TMEM232: variants seen among roughly 807,000 people sequenced by gnomAD.
The protein encoded by TMEM232 is transmembrane protein 232.
TMEM232 carries 80 observed loss-of-function variants against 78.8 expected under a neutral mutation model. That is an observed-to-expected ratio of 1.01 (90% CI 0.85 to 1.22). The LOEUF (loss-of-function observed/expected upper bound fraction) is 1.22. Ranked by LOEUF, TMEM232 falls within the 50% of genes most tolerant of loss-of-function variation. The pLI is 0.00. For synonymous variants in TMEM232, 297 were observed against 254.3 expected (o/e 1.17, Z -1.60); for missense variants, 881 against 742.2 (o/e 1.19, Z -2.17).
chr5:110,464,437 A>G (rs1761860895), intron 12 of TMEM232, among the ~76,000 whole-genome samples: 1 of 152,204 alleles, frequency 6.6e-6, no homozygotes, highest in African/African-American at 2.4e-5. Context: ...GAGTAAGTCT[A>G]GAATCTAGAC....
At position 110,658,816 on chromosome 5, in the gene TMEM232, A is replaced by T. The variant is rs1201479433; in HGVS notation, c.125+8412T>A. ...ACAAATTGCCTGCATTCTTTGGCTTAAAAAAAGACCTTCAAAGTTTATCTT... is the reference window on the plus strand; with the variant it reads ...ACAAATTGCCTGCATTCTTTGGCTTTAAAAAAGACCTTCAAAGTTTATCTT... On this transcript the variant is annotated intron_variant, in intron 2 of 13. Coordinates refer to ENST00000455884, the MANE Select transcript of TMEM232 (RefSeq NM_001039763.4). Among the ~76,000 whole-genome samples the T allele has an allele frequency of 5.3e-5, 8 of 152,276 alleles. No individual in the cohort carries two copies. In the South Asian group the frequency reaches 1.4e-3, roughly 28 times the overall value.
intron 12 of TMEM232, among the ~76,000 whole-genome samples, chr5:110,470,420 C>A (rs1250143964): frequency 1.3e-5 from 2 of 152,004 alleles, no homozygotes; most frequent in Non-Finnish European, 2.9e-5. Context: ...GACCTGGAAC[C>A]CCTGCTTCAT....
chr5:110,667,018 T>C (rs1425994921), intron 2 of TMEM232, among the ~76,000 whole-genome samples: 1 of 152,044 alleles, frequency 6.6e-6, no homozygotes, highest in Non-Finnish European at 1.5e-5. Flanking sequence ...AGAAAACATA[T>C]GAGTATAGAT....
intron 9 of TMEM232, 117 bp from the exon 10 acceptor site, chr5:110,605,475 T>C: frequency 1.6e-6 from 2 of 1,214,966 alleles, no homozygotes; most frequent in South Asian, 2.1e-5. Flanking sequence ...TCTAAATGTG[T>C]TCATTAAAAA....
At chr5:110,644,719 A>C (rs1009759654) in intron 2 of TMEM232, among the ~76,000 whole-genome samples, 1 of 151,780 alleles carries the variant, frequency 6.6e-6, no homozygotes, top group Non-Finnish European at 1.5e-5. Flanking sequence ...TAAAAAGAAT[A>C]ATCCTAAAGT....
chr5:110,721,327 AG>A (rs1797578678), intron 1 of TMEM232, among the ~76,000 whole-genome samples: 1 of 152,046 alleles, frequency 6.6e-6, no homozygotes, highest in Non-Finnish European at 1.5e-5. Flanking sequence ...TACAGAAACA[AG>A]CTTTTTGTGC....
At position 110,457,912 on chromosome 5, in the gene TMEM232, A is replaced by G. The variant is rs556815354; in HGVS notation, c.1704-32996T>C. ...ATGTATATTCATGTATATGTAATGT[A>G]ATATAGTATCTTTATCATAAACCCC... On this transcript the variant is annotated intron_variant, in intron 12 of 13. Coordinates refer to ENST00000455884, the MANE Select transcript of TMEM232 (RefSeq NM_001039763.4). 3.2e-3 allele frequency among the ~76,000 whole-genome samples: 493 copies of G among 152,242 alleles called. 2 individuals carry two copies. The highest frequency in any genetic ancestry group is 0.011 in the African/African-American group (474 of 41,582).
intron 12 of TMEM232, among the ~76,000 whole-genome samples, chr5:110,487,834 G>C (rs1764636913): frequency 6.6e-6 from 1 of 151,950 alleles, no homozygotes; most frequent in South Asian, 2.1e-4. Context: ...ATTAGGGAGG[G>C]TTCCTTCTTT....
chr5:110,427,925 A>G (rs1369196935), intron 12 of TMEM232, among the ~76,000 whole-genome samples: 2 of 151,890 alleles, frequency 1.3e-5, no homozygotes, highest in Non-Finnish European at 2.9e-5. Flanking sequence ...CATGTAATGC[A>G]TAATAATCAC....
chr5:110,451,851 T>A (rs1760322557), intron 12 of TMEM232, among the ~76,000 whole-genome samples: 1 of 152,028 alleles, frequency 6.6e-6, no homozygotes, highest in Admixed American at 6.6e-5. Context: ...TTTAATATAT[T>A]TTAAGTATGA....
At chr5:110,408,307 C>G (rs1199415018) in intron 2 of TMEM232, among the ~76,000 whole-genome samples, 1 of 151,978 alleles carries the variant, frequency 6.6e-6, no homozygotes, top group African/African-American at 2.4e-5. Flanking sequence ...AAAAACAATA[C>G]AAGGTCAGTG....
intron 1 of TMEM232, among the ~76,000 whole-genome samples, chr5:110,670,855 G>A (rs1219884112): frequency 6.6e-6 from 1 of 152,080 alleles, no homozygotes; most frequent in Admixed American, 6.6e-5. Context: ...CTAAGCACAT[G>A]TAGCCTAAAA....
intron 8 of TMEM232, among the ~76,000 whole-genome samples, chr5:110,610,753 C>A (rs1465875944): frequency 6.6e-6 from 1 of 152,036 alleles, no homozygotes; most frequent in African/African-American, 2.4e-5. Context: ...AACAACATAG[C>A]AACATTTAGA....
At chr5:110,412,590 C>G (rs927389897) in intron 2 of TMEM232, among the ~76,000 whole-genome samples, 2 of 150,456 alleles carry the variant, frequency 1.3e-5, no homozygotes, top group Non-Finnish European at 3.0e-5. Flanking sequence ...ATCAGAATAA[C>G]AATGACAAGA....
intron 10 of TMEM232, among the ~76,000 whole-genome samples, chr5:110,594,065 C>T (rs554924416): frequency 1.8e-4 from 27 of 152,084 alleles, no homozygotes; most frequent in Admixed American, 5.9e-4. Context: ...GTGAAACCAA[C>T]GCAGAAGGTG....
intron 9 of TMEM232, among the ~76,000 whole-genome samples, chr5:110,605,659 C>G (rs1358210531): frequency 6.6e-6 from 1 of 152,074 alleles, no homozygotes; most frequent in African/African-American, 2.4e-5. Context: ...TTTTGATATA[C>G]AACTCCATTC....
intron 2 of TMEM232, among the ~76,000 whole-genome samples, chr5:110,646,216 T>C (rs1462297576): frequency 1.3e-5 from 2 of 151,694 alleles, no homozygotes; most frequent in Admixed American, 6.6e-5. Context: ...TAGCATTCTT[T>C]ACAGAAATAA....
intron 1 of TMEM232, chr5:110,737,881 C>T (rs1799361932): frequency 6.5e-6 from 1 of 153,868 alleles, no homozygotes; most frequent in Non-Finnish European, 1.5e-5. Context: ...TTTGCCCAAG[C>T]TGCATCGCAA....
intron 5 of TMEM232, among the ~76,000 whole-genome samples, chr5:110,632,910 C>T (rs537536541): frequency 8.5e-5 from 13 of 152,056 alleles, no homozygotes; most frequent in Non-Finnish European, 1.2e-4. Context: ...ACCCCACAAA[C>T]CCAAAATACT....
Sources: gnomAD v4.1 joint callset for allele counts (sites outside exome capture counted in the v4.1 genomes callset) on GRCh38, gnomAD v4.1.1 for gene constraint, MANE v1.5 for transcripts, NCBI Gene and HGNC (gene_info 2026-07-23, HGNC 2026-07-21) for gene names.